The following XKR4 variants were observed in gnomAD, a reference collection of about 807,000 sequenced individuals.
The protein encoded by XKR4 is XK-related protein 4.
In XKR4, 12 loss-of-function variants were observed where a neutral mutation model predicts 53.9. The ratio of observed to expected loss-of-function variants is 0.22; its 90% CI spans 0.14 to 0.36. The LOEUF is 0.36. XKR4 is among the 10% of genes least tolerant of loss of function. The pLI is 1.00. For missense variants in XKR4, 799 were observed against 859.5 expected (o/e 0.93, Z 0.88); for synonymous variants, 354 against 362.4 (o/e 0.98, Z 0.26).
At chr8:55,472,377 A>T (rs1008416260) in intron 2 of XKR4, among the ~76,000 whole-genome samples, 1 of 152,188 alleles carries the variant, frequency 6.6e-6, no homozygotes, top group Non-Finnish European at 1.5e-5. Context: ...ATGCAAATTC[A>T]GTCAGATAGA....
chr8:55,163,113 G>A (rs2129357370), intron 1 of XKR4, among the ~76,000 whole-genome samples: 2 of 152,278 alleles, frequency 1.3e-5, no homozygotes, highest in Admixed American at 1.3e-4. Context: ...ACAGTAGAAT[G>A]TCTCTCTCCC....
intron 1 of XKR4, among the ~76,000 whole-genome samples, chr8:55,236,963 A>G (rs1341715851): frequency 1.3e-5 from 2 of 152,172 alleles, no homozygotes; most frequent in East Asian, 3.9e-4. Flanking sequence ...CTGGCAAGCT[A>G]TCATCTATTT....
chr8:55,447,938 C>A (rs1331756846), intron 2 of XKR4, among the ~76,000 whole-genome samples: 2 of 152,164 alleles, frequency 1.3e-5, no homozygotes, highest in Non-Finnish European at 2.9e-5. Flanking sequence ...TAAATTGTGT[C>A]TGTCAAATAC....
intron 1 of XKR4, among the ~76,000 whole-genome samples, chr8:55,282,719 T>G (rs1818859379): frequency 6.6e-6 from 1 of 152,166 alleles, no homozygotes; most frequent in South Asian, 2.1e-4. Context: ...TTGGAGGGAA[T>G]GAATATCCAA....
At chr8:55,298,346 A>G (rs1405027492) in intron 1 of XKR4, among the ~76,000 whole-genome samples, 3 of 152,186 alleles carry the variant, frequency 2.0e-5, no homozygotes, top group African/African-American at 4.8e-5. Flanking sequence ...TTGCATTGCT[A>G]TAAAGGAATA....
chr8:55,457,837 GTATT>G (rs968352838), intron 2 of XKR4, among the ~76,000 whole-genome samples: 6 of 152,092 alleles, frequency 3.9e-5, no homozygotes, highest in Non-Finnish European at 8.8e-5. Flanking sequence ...ATATGTGTGT[GTATT>G]TATTTATGAC....
At chr8:55,323,620 G>C (rs56659138) in intron 1 of XKR4, among the ~76,000 whole-genome samples, 1 of 152,154 alleles carries the variant, frequency 6.6e-6, no homozygotes, top group Non-Finnish European at 1.5e-5. Flanking sequence ...TTGTTTCCAG[G>C]TTTGGGTAAT....
intron 1 of XKR4, among the ~76,000 whole-genome samples, chr8:55,178,835 G>T (rs1817268657): frequency 6.6e-6 from 1 of 152,138 alleles, no homozygotes; most frequent in Admixed American, 6.5e-5. Context: ...GTCCTATCTT[G>T]CTTCCTACTG....
intron 1 of XKR4, among the ~76,000 whole-genome samples, chr8:55,216,985 A>G (rs887007794): frequency 2.0e-5 from 3 of 151,946 alleles, no homozygotes; most frequent in African/African-American, 7.2e-5. Flanking sequence ...GCTTACGCCT[A>G]TAATCTCAGC....
chr8:55,320,355 C>T (rs532241280), intron 1 of XKR4, among the ~76,000 whole-genome samples: 1 of 152,176 alleles, frequency 6.6e-6, no homozygotes, highest in South Asian at 2.1e-4. Context: ...ACTTACCTAC[C>T]CTTAACTTCC....
chr8:55,285,234 C>A lies in XKR4; in HGVS notation c.807-72444C>A, dbSNP rs117025904. On this transcript the variant is annotated intron_variant, in intron 1 of 2. Coordinates refer to ENST00000327381, the MANE Select transcript of XKR4 (RefSeq NM_052898.2). ...ACTTAAGTAGTACATCAAGTAGGCACACATACCCATTATGTAAAGTGGGGT... is the reference window on the plus strand; with the variant it reads ...ACTTAAGTAGTACATCAAGTAGGCAAACATACCCATTATGTAAAGTGGGGT... Among the ~76,000 whole-genome samples, 384 of 152,252 alleles carry A rather than the reference C, an allele frequency of 2.5e-3. 3 individuals are homozygous for A. The highest frequency in any genetic ancestry group is 4.4e-3 in the Non-Finnish European group (301 of 68,016).
intron 1 of XKR4, among the ~76,000 whole-genome samples, chr8:55,324,553 C>T (rs1234935689): frequency 6.6e-6 from 1 of 152,172 alleles, no homozygotes; most frequent in Non-Finnish European, 1.5e-5. Flanking sequence ...CCTCTGACCA[C>T]GAAGTTTTGC....
At chr8:55,215,602 C>T (rs1477782911) in intron 1 of XKR4, among the ~76,000 whole-genome samples, 1 of 152,004 alleles carries the variant, frequency 6.6e-6, no homozygotes, top group African/African-American at 2.4e-5. Flanking sequence ...TAACAATAGA[C>T]AAAAATGTTA....
chr8:55,385,806 T>G (rs548590294), intron 2 of XKR4, among the ~76,000 whole-genome samples: 1 of 152,292 alleles, frequency 6.6e-6, no homozygotes. Flanking sequence ...CTTAACCTGT[T>G]AGAAAGAACC....
chr8:55,345,169 GT>G (rs776073167), intron 1 of XKR4, among the ~76,000 whole-genome samples: 5 of 151,866 alleles, frequency 3.3e-5, no homozygotes, highest in Admixed American at 6.6e-5. Flanking sequence ...CACCTACTTG[GT>G]GTAATCCCCA....
At chr8:55,418,624 G>T (rs1312103291) in intron 2 of XKR4, among the ~76,000 whole-genome samples, 2 of 152,122 alleles carry the variant, frequency 1.3e-5, no homozygotes, top group Non-Finnish European at 2.9e-5. Context: ...CAGCCCAAAT[G>T]ATTCTGTGAA....
In XKR4 at chr8:55,536,405, T is replaced by A. The variant is rs913381443; in HGVS notation, c.*12178T>A. The A allele has an allele frequency of 1.3e-5, 2 of 152,148 alleles. No individual in the cohort carries two copies. The highest frequency in any genetic ancestry group is 2.9e-5 in the Non-Finnish European group (2 of 68,034). The allele number at this position is 152,148 out of a possible 1,614,324, so 9.4% of individuals were successfully genotyped here. On this transcript the variant is annotated 3_prime_UTR_variant, in exon 3 of 3. Transcript: ENST00000327381. ...CGGAACCATCGTCACTAAACCAAAGTAGACAAGGAGTTATTAAAAAATAAA... is the reference window on the plus strand; with the variant it reads ...CGGAACCATCGTCACTAAACCAAAGAAGACAAGGAGTTATTAAAAAATAAA...
intron 2 of XKR4, chr8:55,454,957 G>C: frequency 1.2e-6 from 1 of 854,520 alleles, no homozygotes; most frequent in Non-Finnish European, 2.0e-6. Flanking sequence ...CAACAAAGAA[G>C]GTCGGTGGAT....
intron 2 of XKR4, among the ~76,000 whole-genome samples, chr8:55,401,582 G>A (rs776320300): frequency 3.9e-5 from 6 of 152,178 alleles, no homozygotes; most frequent in African/African-American, 7.2e-5. Context: ...CATGATCTGC[G>A]TTCCACAGAC....
Sources: allele counts gnomAD v4.1 joint callset (sites outside exome capture counted in the v4.1 genomes callset), GRCh38; gene constraint gnomAD v4.1.1; transcripts MANE v1.5; gene names NCBI Gene and HGNC (gene_info 2026-07-23, HGNC 2026-07-21).